The following HDAC9 variants were observed in gnomAD, a reference collection of about 807,000 sequenced individuals.
The protein encoded by HDAC9 is MEF-2 interacting transcription repressor (MITR) protein.
In HDAC9, 41 loss-of-function variants were observed where a neutral mutation model predicts 139.4. The ratio of observed to expected loss-of-function variants is 0.29; its 90% CI spans 0.23 to 0.38. The LOEUF (loss-of-function observed/expected upper bound fraction) is 0.38, where lower values mean the gene tolerates loss of function less well. Ranked by LOEUF, HDAC9 falls within the 10% of genes least tolerant of loss-of-function variation. The pLI is 1.00. For missense variants in HDAC9, 1,147 were observed against 1,297.0 expected (o/e 0.88, Z 1.78); for synonymous variants, 517 against 476.2 (o/e 1.09, Z -1.12).
chr7:18,592,482 G>C (rs1270018905), intron 5 of HDAC9, among the ~76,000 whole-genome samples: 1 of 152,020 alleles, frequency 6.6e-6, no homozygotes, highest in Non-Finnish European at 1.5e-5. Context: ...TTCTTTCTTA[G>C]AAGTGTTTGC....
chr7:18,236,688 G>T (rs1243344790), intron 2 of HDAC9, among the ~76,000 whole-genome samples: 2 of 152,160 alleles, frequency 1.3e-5, no homozygotes. Flanking sequence ...GGTGCCTCAT[G>T]TAGTGTCAGG....
intron 2 of HDAC9, among the ~76,000 whole-genome samples, chr7:18,541,977 T>G (rs575600661): frequency 2.3e-4 from 35 of 152,322 alleles, no homozygotes; most frequent in Non-Finnish European, 4.3e-4. Context: ...GTTAACATTT[T>G]GGACTGGCCA....
At chr7:18,806,960 G>C (rs1242108491) in intron 17 of HDAC9, among the ~76,000 whole-genome samples, 2 of 152,126 alleles carry the variant, frequency 1.3e-5, no homozygotes, top group Non-Finnish European at 2.9e-5. Context: ...TCAGAGTAAT[G>C]CTTCCCTCAT....
intron 16 of HDAC9, among the ~76,000 whole-genome samples, chr7:18,788,082 C>T (rs1791974153): frequency 6.6e-6 from 1 of 152,148 alleles, no homozygotes; most frequent in African/African-American, 2.4e-5. Flanking sequence ...ATGGCAACCT[C>T]TCTGCACCAC....
At chr7:18,802,357 G>A (rs1249676850) in intron 17 of HDAC9, among the ~76,000 whole-genome samples, 1 of 151,778 alleles carries the variant, frequency 6.6e-6, no homozygotes, top group Non-Finnish European at 1.5e-5. Context: ...TTAAATATAA[G>A]ACATTCATAA....
At chr7:18,625,613 C>G (rs1841469083) in intron 6 of HDAC9, among the ~76,000 whole-genome samples, 1 of 152,104 alleles carries the variant, frequency 6.6e-6, no homozygotes, top group Admixed American at 6.6e-5. Flanking sequence ...CTATTCTCTA[C>G]TAGTCACTAT....
intron 2 of HDAC9, among the ~76,000 whole-genome samples, chr7:18,242,980 A>G (rs1794287718): frequency 1.3e-5 from 2 of 152,202 alleles, no homozygotes; most frequent in African/African-American, 4.8e-5. Context: ...TTCTGGAAAA[A>G]CAAATATTTT....
At chr7:18,427,819 T>C (rs958076042) in intron 1 of HDAC9, among the ~76,000 whole-genome samples, 2 of 152,104 alleles carry the variant, frequency 1.3e-5, no homozygotes, top group African/African-American at 4.8e-5. Flanking sequence ...GGAATAATGT[T>C]GTACAGCAGC....
chr7:18,596,234 C>A (rs1832457705), intron 6 of HDAC9, among the ~76,000 whole-genome samples: 1 of 152,056 alleles, frequency 6.6e-6, no homozygotes, highest in Non-Finnish European at 1.5e-5. Flanking sequence ...GCCATTAATA[C>A]TTTAGTATCT....
intron 17 of HDAC9, among the ~76,000 whole-genome samples, chr7:18,828,504 A>G (rs539549325): frequency 2.0e-4 from 30 of 152,318 alleles, no homozygotes; most frequent in African/African-American, 7.2e-4. Context: ...CAGCCCTGGA[A>G]TTCTTTATAA....
At chr7:18,158,809 G>T (rs893090947) in intron 1 of HDAC9, among the ~76,000 whole-genome samples, 2 of 152,238 alleles carry the variant, frequency 1.3e-5, no homozygotes, top group African/African-American at 2.4e-5. Flanking sequence ...ACAGTAATAG[G>T]CTGGGACAGT....
At chr7:18,322,065 C>G (rs1243159094) in intron 1 of HDAC9, among the ~76,000 whole-genome samples, 6 of 152,122 alleles carry the variant, frequency 3.9e-5, no homozygotes, top group East Asian at 1.9e-4. Context: ...GGTCCTTTCT[C>G]TCTTATTTGA....
intron 12 of HDAC9, among the ~76,000 whole-genome samples, chr7:18,696,413 G>T (rs938107045): frequency 1.4e-5 from 2 of 147,622 alleles, no homozygotes; most frequent in South Asian, 2.1e-4. Flanking sequence ...TATAAAACTT[G>T]TATGTTATAC....
chr7:18,318,827 A>T (rs937686304), intron 1 of HDAC9, among the ~76,000 whole-genome samples: 1 of 152,152 alleles, frequency 6.6e-6, no homozygotes, highest in African/African-American at 2.4e-5. Context: ...TCCCTATATC[A>T]TAGGGTGGTG....
At chr7:18,863,190 G>C (rs1019612843) in intron 21 of HDAC9, among the ~76,000 whole-genome samples, 1 of 152,152 alleles carries the variant, frequency 6.6e-6, no homozygotes, top group Admixed American at 6.5e-5. Context: ...TTTGTGAAAC[G>C]TGCAGAGGCT....
chr7:18,502,915 A>G (rs796561015), intron 2 of HDAC9, among the ~76,000 whole-genome samples: 13 of 152,300 alleles, frequency 8.5e-5, no homozygotes, highest in African/African-American at 3.1e-4. Context: ...GAGAAATATA[A>G]TAATATATGA....
chr7:18,583,840 C>T (rs1828592882), intron 2 of HDAC9, among the ~76,000 whole-genome samples: 1 of 152,154 alleles, frequency 6.6e-6, no homozygotes, highest in East Asian at 1.9e-4. Flanking sequence ...CCACAACTCC[C>T]ACAAATAGTT....
intron 2 of HDAC9, among the ~76,000 whole-genome samples, chr7:18,506,300 T>C (rs1242851720): frequency 2.0e-5 from 3 of 152,214 alleles, no homozygotes; most frequent in Non-Finnish European, 2.9e-5. Context: ...GCCTTGATGC[T>C]GTCTCAGAGC....
At chr7:18,136,891 G>T (rs1785462069) in intron 1 of HDAC9, among the ~76,000 whole-genome samples, 1 of 151,722 alleles carries the variant, frequency 6.6e-6, no homozygotes, top group Non-Finnish European at 1.5e-5. Flanking sequence ...AAATTACCTT[G>T]GGCAGTATGG....
Sources: allele counts gnomAD v4.1 joint callset (sites outside exome capture counted in the v4.1 genomes callset), GRCh38; gene constraint gnomAD v4.1.1; transcripts MANE v1.5; gene names NCBI Gene and HGNC (gene_info 2026-07-23, HGNC 2026-07-21).